Variants in SAMD13 observed in about 807,000 individuals in gnomAD.
SAMD13 encodes the protein sterile alpha motif domain-containing protein 13.
In SAMD13, 9 loss-of-function variants were observed where a neutral mutation model predicts 12.4. The ratio of observed to expected loss-of-function variants is 0.72; its 90% confidence interval spans 0.44 to 1.26. The LOEUF (loss-of-function observed/expected upper bound fraction) is 1.26. Among genes scored for constraint, SAMD13 ranks in the 50% most tolerant of loss-of-function variants. The probability of loss-of-function intolerance (pLI) is 0.00; values close to 1 mark genes in which losing one functional copy is unlikely to be tolerated. For synonymous variants in SAMD13, 46 were observed against 45.4 expected, an observed-to-expected ratio of 1.01 and a Z score of -0.05; for missense variants, 84 against 119.6, an observed-to-expected ratio of 0.70 and a Z score of 1.39.
At chr1:84,310,400 A>T (rs1678683882) in intron 2 of SAMD13, among the ~76,000 whole-genome samples, 2 of 152,144 alleles carry the variant, frequency 1.3e-5, no homozygotes, top group African/African-American at 2.4e-5. Flanking sequence ...AAACTTCAGG[A>T]ATTTGTGTTG....
intron 2 of SAMD13, among the ~76,000 whole-genome samples, chr1:84,324,182 C>T (rs1679008384): frequency 6.6e-6 from 1 of 152,162 alleles, no homozygotes; most frequent in Admixed American, 6.6e-5. Context: ...GGCTTCTTCC[C>T]CACTGGCTCC....
chr1:84,331,328 T>TAAAA (rs1178046260), intron 3 of SAMD13, among the ~76,000 whole-genome samples: 4 of 15,172 alleles, frequency 2.6e-4, no homozygotes, highest in Admixed American at 1.1e-3. Context: ...CCCTCCTTGG[T>TAAAA]AAAAAAAAAA....
chr1:84,339,307 A>G (rs1185529291), intron 3 of SAMD13, among the ~76,000 whole-genome samples: 1 of 146,808 alleles, frequency 6.8e-6, no homozygotes, highest in African/African-American at 2.5e-5. Context: ...TTATTTTTTC[A>G]TCTCTGTGGG....
chr1:84,318,223 C>CT (rs1327016639), intron 2 of SAMD13, among the ~76,000 whole-genome samples: 1 of 151,748 alleles, frequency 6.6e-6, no homozygotes, highest in African/African-American at 2.4e-5. Flanking sequence ...TTATATCTTT[C>CT]TTTTTTTAAT....
At chr1:84,320,248 G>A (rs893787391) in intron 2 of SAMD13, among the ~76,000 whole-genome samples, 7 of 152,168 alleles carry the variant, frequency 4.6e-5, no homozygotes, top group Non-Finnish European at 8.8e-5. Flanking sequence ...GCAAAGCCAC[G>A]GGTATGGGAA....
At chr1:84,333,314 AATG>A (rs1272359945) in intron 3 of SAMD13, among the ~76,000 whole-genome samples, 2 of 152,102 alleles carry the variant, frequency 1.3e-5, no homozygotes, top group Non-Finnish European at 2.9e-5. Flanking sequence ...TGGCCATTTT[AATG>A]ATATCGATTA....
At position 84,330,295 on chromosome 1, in the gene SAMD13, A is replaced by G. The variant is rs527524756; in HGVS notation, c.165+4547A>G. ...GTAATCTTAAAACTGGTCCTCAAGA[A>G]GTATGCTTTCAGTGCACAACACGGC... On this transcript the variant is annotated intron_variant, in intron 3 of 3. Transcript: ENST00000394834. Among the ~76,000 whole-genome samples, 5 of 152,326 alleles carry G rather than the reference A, an allele frequency of 3.3e-5. No individual in the cohort carries two copies. In the East Asian group the frequency reaches 5.8e-4, roughly 18 times the overall value.
chr1:84,306,864 TAAGAAAAAGTA>T (rs1678591411), intron 2 of SAMD13, among the ~76,000 whole-genome samples: 1 of 145,224 alleles, frequency 6.9e-6, no homozygotes, highest in African/African-American at 2.5e-5. Flanking sequence ...TAAAATAAAA[TAAGAAAAAGTA>T]AAGAAAAAGT....
chr1:84,312,728 G>A (rs1678742274), intron 2 of SAMD13, among the ~76,000 whole-genome samples: 1 of 152,088 alleles, frequency 6.6e-6, no homozygotes, highest in Non-Finnish European at 1.5e-5. Flanking sequence ...CAATGGAATT[G>A]TGTTTAACAT....
chr1:84,349,599 C>T, intron 3 of SAMD13, 32 bp from the exon 4 acceptor site: 1 of 1,606,032 alleles, frequency 6.2e-7, no homozygotes, highest in Non-Finnish European at 8.5e-7. Flanking sequence ...TTTGGACTCA[C>T]ATGTTGGCTT....
intron 3 of SAMD13, among the ~76,000 whole-genome samples, chr1:84,328,453 G>A (rs1008391568): frequency 6.6e-6 from 1 of 152,134 alleles, no homozygotes; most frequent in Non-Finnish European, 1.5e-5. Flanking sequence ...CTCATGGAAG[G>A]GTGATTGGGT....
chr1:84,335,786 T>C (rs1679277257), intron 3 of SAMD13, among the ~76,000 whole-genome samples: 2 of 152,196 alleles, frequency 1.3e-5, no homozygotes, highest in African/African-American at 2.4e-5. Flanking sequence ...AAGGATCTTA[T>C]TTCTCCTTCA....
chr1:84,337,533 A>C (rs1479819316), intron 3 of SAMD13, among the ~76,000 whole-genome samples: 3 of 152,182 alleles, frequency 2.0e-5, no homozygotes, highest in African/African-American at 7.2e-5. Context: ...ACAGGGCACC[A>C]GTCCCTATGC....
chr1:84,299,188 G>A (rs1370628815), upstream of SAMD13, among the ~76,000 whole-genome samples: 1 of 152,112 alleles, frequency 6.6e-6, no homozygotes, highest in East Asian at 1.9e-4. Context: ...AGGCAGGGCC[G>A]GCGGCTCCTT....
chr1:84,343,972 G>A (rs1440074980), intron 3 of SAMD13, among the ~76,000 whole-genome samples: 1 of 152,022 alleles, frequency 6.6e-6, no homozygotes, highest in Admixed American at 6.6e-5. Flanking sequence ...TGAAAAGCCT[G>A]CCTAGTTTCA....
chr1:84,303,114 A>T, intron 1 of SAMD13, 89 bp from the exon 2 acceptor site: 1 of 977,038 alleles, frequency 1.0e-6, no homozygotes. Flanking sequence ...TGAAGCTGTA[A>T]AAGGGACCAT....
chr1:84,338,215 G>T (rs1206183212), intron 3 of SAMD13, among the ~76,000 whole-genome samples: 2 of 152,126 alleles, frequency 1.3e-5, no homozygotes, highest in East Asian at 3.9e-4. Context: ...CCACTCTACT[G>T]GTACCAACTT....
intron 3 of SAMD13, among the ~76,000 whole-genome samples, chr1:84,342,115 G>A (rs948087728): frequency 1.3e-5 from 2 of 152,122 alleles, no homozygotes; most frequent in African/African-American, 2.4e-5. Flanking sequence ...CCTGAGAGAC[G>A]CATGCATCAT....
intron 3 of SAMD13, among the ~76,000 whole-genome samples, chr1:84,334,022 G>A (rs1679246355): frequency 6.6e-6 from 1 of 151,846 alleles, no homozygotes; most frequent in African/African-American, 2.4e-5. Flanking sequence ...TTCTTTTTTT[G>A]TTGTATCTCT....
Sources: gnomAD v4.1 joint callset for allele counts (sites outside exome capture counted in the v4.1 genomes callset) on GRCh38, gnomAD v4.1.1 for gene constraint, MANE v1.5 for transcripts, NCBI Gene and HGNC (gene_info 2026-07-23, HGNC 2026-07-21) for gene names.